The following LPP variants were observed in gnomAD, a reference collection of about 807,000 sequenced individuals.
The protein encoded by LPP is LIM domain containing preferred translocation partner in lipoma.
Under a neutral mutation model 60.4 loss-of-function variants are expected in LPP, and 38 were observed. The ratio of observed to expected loss-of-function variants is 0.63; its 90% CI spans 0.49 to 0.83. LPP has a LOEUF of 0.83. LPP is among the 40% of genes least tolerant of loss of function. The probability of loss-of-function intolerance (pLI) is 0.00; values close to 1 mark genes in which losing one functional copy is unlikely to be tolerated. For synonymous variants in LPP, 328 were observed against 290.8 expected, an observed-to-expected ratio of 1.13 and a Z score of -1.30; for missense variants, 902 against 783.6, an observed-to-expected ratio of 1.15 and a Z score of -1.80.
intron 5 of LPP, among the ~76,000 whole-genome samples, chr3:188,518,883 T>C (rs1325130992): frequency 6.8e-6 from 1 of 147,204 alleles, no homozygotes; most frequent in Non-Finnish European, 1.5e-5. Context: ...TACTTGATGA[T>C]TAAGTTTCTG....
At chr3:188,314,685 G>T (rs1295959709) in intron 2 of LPP, among the ~76,000 whole-genome samples, 2 of 152,042 alleles carry the variant, frequency 1.3e-5, no homozygotes, top group East Asian at 1.9e-4. Flanking sequence ...GCTGGGCATG[G>T]TGTCATGCGC....
chr3:188,353,961 CTT>C (rs59069190), intron 3 of LPP, among the ~76,000 whole-genome samples: 4 of 145,532 alleles, frequency 2.7e-5, no homozygotes, highest in Non-Finnish European at 1.5e-5. Flanking sequence ...AACTAGACCA[CTT>C]TTTTTTTTTT....
At chr3:188,317,693 CTG>C (rs1755501647) in intron 2 of LPP, among the ~76,000 whole-genome samples, 3 of 152,220 alleles carry the variant, frequency 2.0e-5, no homozygotes, top group South Asian at 4.2e-4. Flanking sequence ...GGAAGGTAGA[CTG>C]TTGTATTGGG....
At position 188,886,501 on chromosome 3, in the gene LPP, T is replaced by A; in HGVS notation, c.*12022T>A. On this transcript the variant is annotated 3_prime_UTR_variant, in exon 12 of 12. Transcript: ENST00000617246. ...ATGCCTGAGTAGAGACTCACATGGG[T>A]GGAATCTGTGTTGTCTCATCAGAGG... 5.4e-6 allele frequency: 1 copy of A among 186,586 alleles called. No individual in the cohort carries two copies. The highest frequency in any genetic ancestry group is 1.1e-5 in the Non-Finnish European group (1 of 92,666). The allele number at this position is 186,586 out of a possible 1,614,324, so 11.6% of individuals were successfully genotyped here. A position where few individuals can be genotyped will look rare whatever the true frequency, so the allele number is the denominator to read the frequency against.
chr3:188,163,757 CATG>C (rs1719059577), intron 1 of LPP, among the ~76,000 whole-genome samples: 2 of 139,566 alleles, frequency 1.4e-5, no homozygotes, highest in African/African-American at 5.4e-5. Context: ...GCCTGGTCAA[CATG>C]ATTTAACCTC....
intron 1 of LPP, among the ~76,000 whole-genome samples, chr3:188,208,544 C>G (rs980727991): frequency 6.6e-6 from 1 of 152,194 alleles, no homozygotes; most frequent in Admixed American, 6.5e-5. Context: ...GTTTATTTCC[C>G]CACGGGCTTA....
intron 9 of LPP, among the ~76,000 whole-genome samples, chr3:188,829,788 C>G (rs1756641860): frequency 6.6e-6 from 1 of 152,066 alleles, no homozygotes. Flanking sequence ...ACCATGTGAC[C>G]CTGAATAGTG....
At chr3:188,456,642 T>C (rs1431219296) in intron 4 of LPP, among the ~76,000 whole-genome samples, 4 of 152,186 alleles carry the variant, frequency 2.6e-5, no homozygotes, top group Non-Finnish European at 4.4e-5. Context: ...TTGCGTTTCT[T>C]TTTGCCACTG....
intron 8 of LPP, among the ~76,000 whole-genome samples, chr3:188,714,586 G>GT (rs71980827): frequency 0.058 from 8,656 of 150,500 alleles, 317 homozygotes; most frequent in Non-Finnish European, 0.086. Context: ...TCTCAGCTGG[G>GT]TTTTTTTTTA....
intron 7 of LPP, among the ~76,000 whole-genome samples, chr3:188,638,237 C>T (rs1849262108): frequency 2.1e-5 from 3 of 144,492 alleles, no homozygotes; most frequent in African/African-American, 7.6e-5. Flanking sequence ...TGTAATCCAG[C>T]ATATAAACAG....
chr3:188,332,963 T>C (rs570072811), intron 2 of LPP, among the ~76,000 whole-genome samples: 2 of 144,246 alleles, frequency 1.4e-5, no homozygotes, highest in African/African-American at 5.1e-5. Flanking sequence ...TTCTTTTCAA[T>C]AAGGAAGCAT....
At chr3:188,591,657 G>A (rs1199226740) in intron 6 of LPP, among the ~76,000 whole-genome samples, 1 of 152,062 alleles carries the variant, frequency 6.6e-6, no homozygotes, top group Non-Finnish European at 1.5e-5. Context: ...CCCTTCATAA[G>A]CATATGGCTG....
At chr3:188,268,095 A>G (rs1405923939) in intron 2 of LPP, among the ~76,000 whole-genome samples, 4 of 133,232 alleles carry the variant, frequency 3.0e-5, no homozygotes, top group Non-Finnish European at 4.6e-5. Flanking sequence ...TCCCTCCTCC[A>G]CTTATATTTA....
At chr3:188,533,742 G>A (rs1822823461) in intron 6 of LPP, among the ~76,000 whole-genome samples, 1 of 152,064 alleles carries the variant, frequency 6.6e-6, no homozygotes, top group Non-Finnish European at 1.5e-5. Flanking sequence ...GTGTTGTTTT[G>A]AATTAGCCTG....
At position 188,207,712 on chromosome 3, in the gene LPP, C is replaced by T. The variant is rs141805121; in HGVS notation, c.-189-17693C>T. Among the ~76,000 whole-genome samples the T allele has an allele frequency of 2.8e-3, 418 of 151,350 alleles. 2 individuals carry two copies. Among genetic ancestry groups the T allele is most frequent in the Middle Eastern group, 6.8e-3 (2 of 294 alleles). On this transcript the variant is annotated intron_variant, in intron 1 of 11. Coordinates refer to ENST00000617246, the MANE Select transcript of LPP (RefSeq NM_001375462.1). Reference sequence around the variant, plus strand: ...GGCTCAAGTAATACTGCCTTGGCCTCCTGAGTAGCTGGGACCATAGACATA... The same window carrying T: ...GGCTCAAGTAATACTGCCTTGGCCTTCTGAGTAGCTGGGACCATAGACATA...
At chr3:188,240,192 T>G in intron 2 of LPP, 1 of 181,276 alleles carries the variant, frequency 5.5e-6, no homozygotes, top group Non-Finnish European at 1.2e-5. Context: ...GATATCTGTG[T>G]GTTTCATTTT....
chr3:188,426,606 T>C (rs1474566023), intron 4 of LPP, among the ~76,000 whole-genome samples: 1 of 152,204 alleles, frequency 6.6e-6, no homozygotes, highest in Non-Finnish European at 1.5e-5. Flanking sequence ...TGTAGGTCTC[T>C]AAGAACTTGC....
chr3:188,755,654 A>G (rs1470709088), intron 8 of LPP, among the ~76,000 whole-genome samples: 4 of 151,744 alleles, frequency 2.6e-5, no homozygotes, highest in Admixed American at 2.0e-4. Context: ...AAAATATTAA[A>G]AATTAGCTGG....
chr3:188,284,019 C>T (rs1440678276), intron 2 of LPP, among the ~76,000 whole-genome samples: 1 of 151,876 alleles, frequency 6.6e-6, no homozygotes, highest in African/African-American at 2.4e-5. Flanking sequence ...AAAAGAGCTC[C>T]TCCTATGAAA....
Sources: gnomAD v4.1 joint callset for allele counts (sites outside exome capture counted in the v4.1 genomes callset) on GRCh38, gnomAD v4.1.1 for gene constraint, MANE v1.5 for transcripts, NCBI Gene and HGNC (gene_info 2026-07-23, HGNC 2026-07-21) for gene names.